Variants in ZNF600 observed in about 807,000 individuals in gnomAD.
ZNF600 encodes the protein zinc finger protein KR-ZNF1.
ZNF600 carries 4 observed loss-of-function variants against 7.3 expected under a neutral mutation model. The ratio of observed to expected loss-of-function variants is 0.55; its 90% confidence interval spans 0.27 to 1.25. ZNF600 has a LOEUF of 1.25. ZNF600 is among the 50% of genes most tolerant of loss of function. ZNF600 has a pLI of 0.12. For missense variants in ZNF600, 911 were observed against 922.1 expected, an observed-to-expected ratio of 0.99 and a Z score of 0.16; for synonymous variants, 290 against 308.9, an observed-to-expected ratio of 0.94 and a Z score of 0.64.
the ZNF600 span, among the ~76,000 whole-genome samples, chr19:52,791,931 A>T: frequency 6.6e-6 from 1 of 152,196 alleles, no homozygotes; most frequent in Non-Finnish European, 1.5e-5. Flanking sequence ...GCCCTCAGAA[A>T]TGGAGGACTC....
Position 52,767,389 on chromosome 19 carries a change from T to C in ZNF600, c.574A>G (p.Thr192Ala), listed in dbSNP as rs764465789. 3.7e-6 allele frequency: 6 copies of C among 1,614,134 alleles called. No individual in the cohort carries two copies. The South Asian group carries it at 4.4e-5, about 12-fold the overall frequency. Residue 192 changes from threonine (T) to alanine (A), a missense_variant, in exon 4 of 4, where the codon ACA (threonine) becomes GCA (alanine). Physicochemically the swap from Thr to Ala is moderately conservative, Grantham distance 58. Coordinates refer to ENST00000648973, the Ensembl canonical transcript of ZNF600. The stretch of plus-strand genomic sequence containing the variant: ...GGCCTAGGAGAAATTCTTTGGGATG[T>C]TGAAACCGAGGGAGCATCACTGGTA...
chr19:52,794,330 A>G, the ZNF600 span, among the ~76,000 whole-genome samples: 1 of 152,188 alleles, frequency 6.6e-6, no homozygotes, highest in Non-Finnish European at 1.5e-5. Flanking sequence ...CTACAGGAAA[A>G]GCCACACACT....
intron 3 of ZNF600, among the ~76,000 whole-genome samples, chr19:52,772,418 C>A (rs1375742229): frequency 6.6e-6 from 1 of 152,094 alleles, no homozygotes; most frequent in Non-Finnish European, 1.5e-5. Flanking sequence ...GCCTGGCCAA[C>A]ATGGTGAAAC....
the ZNF600 span, among the ~76,000 whole-genome samples, chr19:52,802,387 C>CG: frequency 5.3e-5 from 8 of 152,044 alleles, no homozygotes; most frequent in Non-Finnish European, 7.4e-5. Flanking sequence ...AAAAAACAAA[C>CG]AACAAAAAAA....
At chr19:52,778,745 T>C in intron 2 of ZNF600, 81 bp downstream of exon 4, 1 of 1,516,608 alleles carries the variant, frequency 6.6e-7, no homozygotes, top group South Asian at 1.3e-5. Context: ...TTCTTCAAAC[T>C]CAGAAAAGAC....
At chr19:52,809,208 C>T in the ZNF600 span, among the ~76,000 whole-genome samples, 1 of 152,166 alleles carries the variant, frequency 6.6e-6, no homozygotes, top group African/African-American at 2.4e-5. Context: ...AGCAATCACC[C>T]TTTCAACTGC....
exon 4 of ZNF600, chr19:52,767,283 C>T (rs966678212): frequency 1.2e-6 from 2 of 1,614,138 alleles, no homozygotes; most frequent in Non-Finnish European, 1.7e-6. Flanking sequence ...AGATTTTTCT[C>T]TCATGTATAC....
chr19:52,765,735 G>C (rs755643720), exon 4 of ZNF600: 7 of 1,613,828 alleles, frequency 4.3e-6, no homozygotes, highest in Non-Finnish European at 5.9e-6. Flanking sequence ...ACTCCCAAAA[G>C]TCTTGTCACA....
upstream of ZNF600, among the ~76,000 whole-genome samples, chr19:52,789,396 A>G (rs576113970): frequency 6.6e-6 from 1 of 152,346 alleles, no homozygotes; most frequent in South Asian, 2.1e-4. Context: ...TCAACTCAAA[A>G]GAATTTTGGA....
chr19:52,806,095 CAT>C, the ZNF600 span: 2 of 152,120 alleles, frequency 1.3e-5, no homozygotes, highest in Non-Finnish European at 2.9e-5. Flanking sequence ...AAACACTGTA[CAT>C]ATATGTTAAC....
At chr19:52,811,026 A>G in the ZNF600 span, among the ~76,000 whole-genome samples, 1 of 136,104 alleles carries the variant, frequency 7.3e-6, no homozygotes, top group Non-Finnish European at 1.6e-5. Flanking sequence ...AGTGCCTGCG[A>G]TTGCAGGCAC....
rs1455028996 is a variant in ZNF600 at position 52,772,624 on chromosome 19, C to T, written c.190+1951G>A. On this transcript the variant is annotated intron_variant, in intron 3 of 3. Coordinates refer to ENST00000648973, the Ensembl canonical transcript of ZNF600. ...ATCTCAAAAAACAAACAAACAAAAACCAAAAACCAACCCTGGAGGCAAATT... is the reference window on the plus strand; with the variant it reads ...ATCTCAAAAAACAAACAAACAAAAATCAAAAACCAACCCTGGAGGCAAATT... 2.6e-5 allele frequency among the ~76,000 whole-genome samples: 4 copies of T among 152,024 alleles called. No individual in the cohort carries two copies. In the East Asian group the frequency reaches 7.7e-4, roughly 29 times the overall value.
At chr19:52,811,632 G>T in the ZNF600 span, among the ~76,000 whole-genome samples, 1 of 146,276 alleles carries the variant, frequency 6.8e-6, no homozygotes, top group Non-Finnish European at 1.5e-5. Flanking sequence ...CCCCGTCTGA[G>T]AAGTGAGGAA....
chr19:52,798,906 TA>T, the ZNF600 span: 1 of 1,434,842 alleles, frequency 7.0e-7, no homozygotes, highest in African/African-American at 1.4e-5. Flanking sequence ...GACTGCCCAC[TA>T]AAGGCTTTGC....
chr19:52,795,818 G>A, the ZNF600 span, among the ~76,000 whole-genome samples: 6 of 151,214 alleles, frequency 4.0e-5, no homozygotes, highest in Non-Finnish European at 7.4e-5. Context: ...CGCCTGTTGT[G>A]GCCTCCCAAA....
At chr19:52,796,360 C>T in the ZNF600 span, among the ~76,000 whole-genome samples, 9 of 152,228 alleles carry the variant, frequency 5.9e-5, no homozygotes, top group South Asian at 2.1e-4. Flanking sequence ...TACATTGTTC[C>T]GGTCTGGAAA....
chr19:52,767,768 G>T (rs772195680), exon 4 of ZNF600: 10 of 1,557,164 alleles, frequency 6.4e-6, no homozygotes, highest in African/African-American at 1.4e-5. Flanking sequence ...GTTTGGAAGA[G>T]ATATCTACAA....
chr19:52,830,714 G>T, the ZNF600 span, among the ~76,000 whole-genome samples: 1 of 151,710 alleles, frequency 6.6e-6, no homozygotes, highest in Non-Finnish European at 1.5e-5. Flanking sequence ...TGGAGGGGAG[G>T]GGCTCACGGG....
chr19:52,819,593 G>A, the ZNF600 span, among the ~76,000 whole-genome samples: 3 of 87,484 alleles, frequency 3.4e-5, 1 homozygote, highest in African/African-American at 1.4e-4. Flanking sequence ...GCTCACTGGG[G>A]CTCAGAGCTG....
Sources: gnomAD v4.1 joint callset for allele counts (sites outside exome capture counted in the v4.1 genomes callset) on GRCh38, gnomAD v4.1.1 for gene constraint, MANE v1.5 for transcripts, NCBI Gene and HGNC (gene_info 2026-07-23, HGNC 2026-07-21) for gene names.